The following PPP4R4 variants were observed in gnomAD, a reference collection of about 807,000 sequenced individuals.
PPP4R4 encodes the protein serine/threonine-protein phosphatase 4 regulatory subunit 4.
PPP4R4 carries 70 observed loss-of-function variants against 121.8 expected under a neutral mutation model. That is an observed-to-expected ratio of 0.57 (90% CI 0.47 to 0.70). The LOEUF is 0.70. PPP4R4 is among the 30% of genes least tolerant of loss of function. PPP4R4 has a pLI of 0.00. For synonymous variants in PPP4R4, 348 were observed against 355.7 expected (o/e 0.98, Z 0.24); for missense variants, 875 against 1,033.6 (o/e 0.85, Z 2.10).
intron 1 of PPP4R4, 62 bp from the exon 2 acceptor site, chr14:94,175,992 G>C: frequency 7.7e-7 from 1 of 1,298,108 alleles, no homozygotes; most frequent in Admixed American, 1.7e-5. Context: ...GTCACTGGGA[G>C]GTTGGGGGGC....
chr14:94,203,439 C>T lies in PPP4R4; in HGVS notation c.192-5025C>T, dbSNP rs78640356. Among the ~76,000 whole-genome samples the T allele has an allele frequency of 6.5e-3, 991 of 152,008 alleles. 12 individuals carry two copies. The highest frequency in any genetic ancestry group is 0.022 in the African/African-American group (929 of 41,448). On this transcript the variant is annotated intron_variant, in intron 2 of 24. Transcript: ENST00000304338. ...TATGGTGTACTACAGTTCATTTATCCGTTTCTTCACTTAAGGACATATCAT... is the reference window on the plus strand; with the variant it reads ...TATGGTGTACTACAGTTCATTTATCTGTTTCTTCACTTAAGGACATATCAT...
At position 94,178,484 on chromosome 14, in the gene PPP4R4, C is replaced by T. The variant is rs1026750266; in HGVS notation, c.191+2357C>T. The stretch of plus-strand genomic sequence containing the variant: ...AGTCAGATGTGTAAGCATCAGTAAG[C>T]AATGCTTTATATTAGTGGGGTTCTG... On this transcript the variant is annotated intron_variant, in intron 2 of 24. Coordinates refer to ENST00000304338, the MANE Select transcript of PPP4R4 (RefSeq NM_058237.2). 2.6e-5 allele frequency among the ~76,000 whole-genome samples: 4 copies of T among 151,370 alleles called. No homozygotes were observed. The South Asian group carries it at 8.3e-4, about 32-fold the overall frequency.
rs974307718 is a variant in PPP4R4, at chr14:94,250,428, C to T, written c.1717+151C>T. ...TTTTATTTTCTAGAAATCCTTATGG[C>T]AAGATTAGATCTGTGATGAATGAAA... On this transcript the variant is annotated intron_variant, in intron 15 of 24. Coordinates refer to ENST00000304338, the MANE Select transcript of PPP4R4 (RefSeq NM_058237.2). 1.5e-5 allele frequency: 9 copies of T among 589,906 alleles called. No homozygotes were observed. In the African/African-American group the frequency reaches 1.7e-4, roughly 11 times the overall value. The allele number at this position is 589,906 out of a possible 1,614,324, so 36.5% of individuals were successfully genotyped here.
chr14:94,207,302 T>G (rs1223636326), intron 2 of PPP4R4, among the ~76,000 whole-genome samples: 1 of 151,966 alleles, frequency 6.6e-6, no homozygotes, highest in Non-Finnish European at 1.5e-5. Context: ...TTGCTATTCC[T>G]TCTGAATTTT....
chr14:94,204,582 A>G (rs143918274), intron 2 of PPP4R4, among the ~76,000 whole-genome samples: 1,860 of 152,174 alleles, frequency 0.012, 46 homozygotes, highest in African/African-American at 0.042. Flanking sequence ...TTGGTTTTTC[A>G]TACAAATTTA....
chr14:94,184,801 C>A (rs577050074), intron 2 of PPP4R4, among the ~76,000 whole-genome samples: 84 of 152,200 alleles, frequency 5.5e-4, no homozygotes, highest in Non-Finnish European at 8.5e-4. Context: ...GTAATAATTA[C>A]AAAATCTATT....
At position 94,274,331 on chromosome 14, in the gene PPP4R4, A is replaced by T. The variant is rs1006174509; in HGVS notation, c.2450-1043A>T. On this transcript the variant is annotated intron_variant, in intron 23 of 24. Transcript: ENST00000304338. ...AAGCGTCTGGGCTTTGAAATAGAGC[A>T]TTAAAAAAATAAAAGGCAAGGCATA... Among the ~76,000 whole-genome samples, 4 of 152,268 alleles carry T rather than the reference A, an allele frequency of 2.6e-5. 1 individual carries two copies. The highest frequency in any genetic ancestry group is 2.6e-4 in the Admixed American group (4 of 15,290).
At chr14:94,215,009 G>T (rs1389640718) in intron 3 of PPP4R4, among the ~76,000 whole-genome samples, 2 of 152,078 alleles carry the variant, frequency 1.3e-5, no homozygotes, top group African/African-American at 4.8e-5. Flanking sequence ...TATCCCCAAG[G>T]TATTTCATTA....
At chr14:94,233,919 A>G (rs1046440799) in intron 6 of PPP4R4, among the ~76,000 whole-genome samples, 160 bp downstream of exon 6, 4 of 152,190 alleles carry the variant, frequency 2.6e-5, no homozygotes, top group African/African-American at 9.7e-5. Context: ...TTACTTATTC[A>G]GATGCCTTTC....
chr14:94,229,306 A>G (rs1891883734), intron 3 of PPP4R4, among the ~76,000 whole-genome samples: 1 of 151,954 alleles, frequency 6.6e-6, no homozygotes, highest in African/African-American at 2.4e-5. Flanking sequence ...TTGAAGGTAG[A>G]CCCTTCAGGA....
At chr14:94,225,180 ACT>A (rs1566670737) in intron 3 of PPP4R4, among the ~76,000 whole-genome samples, 1 of 152,236 alleles carries the variant, frequency 6.6e-6, no homozygotes, top group Non-Finnish European at 1.5e-5. Flanking sequence ...AGACGAGGTA[ACT>A]CTAATCAACT....
In PPP4R4 at chr14:94,240,671, A is replaced by G. The variant is rs1304257120; in HGVS notation, c.854-2A>G. ...TATGTATTATTTTGTTTTGTTTTCCAGATGACAGAAGTCAAACTATACTTC... is the reference window on the plus strand; with the variant it reads ...TATGTATTATTTTGTTTTGTTTTCCGGATGACAGAAGTCAAACTATACTTC... On this transcript the variant is annotated splice_acceptor_variant, in intron 8 of 24. Transcript: ENST00000304338. LOFTEE classifies it high-confidence loss of function. 5 of 1,604,918 alleles carry G rather than the reference A, an allele frequency of 3.1e-6. No homozygotes were observed. The highest frequency in any genetic ancestry group is 4.2e-6 in the Non-Finnish European group (5 of 1,176,752).
chr14:94,270,004 A>G (rs936617865), intron 23 of PPP4R4, among the ~76,000 whole-genome samples: 1 of 152,236 alleles, frequency 6.6e-6, no homozygotes, highest in African/African-American at 2.4e-5. Flanking sequence ...TATAATAAAT[A>G]TAGCATACTT....
intron 1 of PPP4R4, among the ~76,000 whole-genome samples, chr14:94,175,026 G>A (rs1359896254): frequency 1.6e-5 from 2 of 123,590 alleles, no homozygotes; most frequent in Non-Finnish European, 3.2e-5. Flanking sequence ...CTTCTCCCCG[G>A]TCCTCTCCTG....
At chr14:94,250,120 T>C in intron 14 of PPP4R4, 52 bp from the exon 15 acceptor site, 3 of 1,227,448 alleles carry the variant, frequency 2.4e-6, no homozygotes, top group Non-Finnish European at 3.6e-6. Context: ...GGTCAAATTA[T>C]CTAGACTAGA....
chr14:94,235,404 T>C (rs948327356), intron 7 of PPP4R4, among the ~76,000 whole-genome samples: 4 of 133,966 alleles, frequency 3.0e-5, no homozygotes, highest in Non-Finnish European at 6.4e-5. Flanking sequence ...TTTTTTTTTT[T>C]TTTTTTTTTT....
At position 94,259,026 on chromosome 14, in the gene PPP4R4, C is replaced by T. The variant is rs144362573; in HGVS notation, c.2052+202C>T. Among the ~76,000 whole-genome samples, 100 of 152,278 alleles carry T rather than the reference C, an allele frequency of 6.6e-4. 1 individual carries two copies. The East Asian group carries it at 0.016, about 25-fold the overall frequency. ...TGGATGGCGGCAGGCAAAGAGAGAG[C>T]TTGTGCAGGGAAACTCCCCCTTACA... On this transcript the variant is annotated intron_variant, in intron 18 of 24. Coordinates refer to ENST00000304338, the MANE Select transcript of PPP4R4 (RefSeq NM_058237.2).
chr14:94,229,833 A>C (rs942949363), intron 3 of PPP4R4, among the ~76,000 whole-genome samples: 1 of 152,056 alleles, frequency 6.6e-6, no homozygotes, highest in African/African-American at 2.4e-5. Flanking sequence ...TACACACACA[A>C]ACACACACAC....
Position 94,244,626 on chromosome 14 carries a change from A to G in PPP4R4, c.1267-9A>G, listed in dbSNP as rs772262670. 6 of 1,482,336 alleles carry G rather than the reference A, an allele frequency of 4.0e-6. No individual in the cohort carries two copies. Among genetic ancestry groups the G allele is most frequent in the Non-Finnish European group, 5.5e-6 (6 of 1,094,390 alleles). 91.8% of individuals were successfully genotyped at this position (1,482,336 alleles called of 1,614,324 possible). A position where few individuals can be genotyped will look rare whatever the true frequency, so the allele number is the denominator to read the frequency against. ...CTCAAATCTGAGAGACTTTATTGCT[A>G]TATTTTAGGTATCTAAGCTTCTGAA... On this transcript the variant is annotated splice_polypyrimidine_tract_variant and intron_variant, in intron 11 of 24. Transcript: ENST00000304338.
Sources: allele counts gnomAD v4.1 joint callset (sites outside exome capture counted in the v4.1 genomes callset), GRCh38; gene constraint gnomAD v4.1.1; transcripts MANE v1.5; gene names NCBI Gene and HGNC (gene_info 2026-07-23, HGNC 2026-07-21).